PRKG1: variants seen among roughly 807,000 people sequenced by gnomAD.
PRKG1 encodes protein kinase cGMP-dependent 1.
A neutral mutation model predicts 88.1 loss-of-function variants in PRKG1; 35 were observed. That is an observed-to-expected ratio of 0.40 (90% CI 0.30 to 0.53). PRKG1 has a LOEUF of 0.53. Among genes scored for constraint, PRKG1 ranks in the 20% least tolerant of loss-of-function variants. The pLI is 0.59. For synonymous variants in PRKG1, 303 were observed against 292.5 expected, an observed-to-expected ratio of 1.04 and a Z score of -0.37; for missense variants, 540 against 839.8, an observed-to-expected ratio of 0.64 and a Z score of 4.41.
At chr10:51,466,957 T>A (rs1839922145) in intron 2 of PRKG1, among the ~76,000 whole-genome samples, 1 of 152,120 alleles carries the variant, frequency 6.6e-6, no homozygotes, top group Non-Finnish European at 1.5e-5. Context: ...TTGATTGTGT[T>A]AGGCCATGAA....
chr10:51,783,862 T>G (rs990853911), intron 3 of PRKG1, among the ~76,000 whole-genome samples: 1 of 152,136 alleles, frequency 6.6e-6, no homozygotes, highest in Non-Finnish European at 1.5e-5. Context: ...AGTTTATAAA[T>G]GTATAGGAAA....
chr10:51,830,781 C>T (rs1314572460), intron 4 of PRKG1, among the ~76,000 whole-genome samples: 5 of 151,834 alleles, frequency 3.3e-5, no homozygotes, highest in East Asian at 3.9e-4. Context: ...AGGCTGGTCT[C>T]GAACTGCTGA....
At chr10:52,006,597 A>T (rs1159651843) in intron 5 of PRKG1, among the ~76,000 whole-genome samples, 3 of 152,186 alleles carry the variant, frequency 2.0e-5, no homozygotes, top group Non-Finnish European at 4.4e-5. Context: ...AATGAAAAAT[A>T]ATGAACAAAT....
chr10:51,753,573 A>T (rs1837782330), intron 3 of PRKG1, among the ~76,000 whole-genome samples: 1 of 152,168 alleles, frequency 6.6e-6, no homozygotes, highest in African/African-American at 2.4e-5. Context: ...ATTGATAGGC[A>T]TGTGGTCAAA....
chr10:51,759,797 T>G (rs1470281956), intron 3 of PRKG1, among the ~76,000 whole-genome samples: 1 of 152,144 alleles, frequency 6.6e-6, no homozygotes, highest in African/African-American at 2.4e-5. Context: ...TGTGTTTGTG[T>G]GTGTGTATAA....
chr10:51,085,687 A>G (rs1221834089), intron 1 of PRKG1, among the ~76,000 whole-genome samples: 1 of 151,398 alleles, frequency 6.6e-6, no homozygotes, highest in African/African-American at 2.4e-5. Flanking sequence ...CTTTTTTTTC[A>G]GTTCTGAATG....
intron 3 of PRKG1, among the ~76,000 whole-genome samples, chr10:51,482,496 T>C (rs1840390981): frequency 1.2e-5 from 1 of 82,416 alleles, no homozygotes; most frequent in South Asian, 4.5e-4. Context: ...CAGACTGCCA[T>C]TGGCCTGGCT....
intron 2 of PRKG1, among the ~76,000 whole-genome samples, chr10:51,275,412 G>T (rs1840087940): frequency 6.6e-6 from 1 of 152,100 alleles, no homozygotes; most frequent in South Asian, 2.1e-4. Context: ...GTGAAATTGG[G>T]AAAATCCTAA....
intron 5 of PRKG1, among the ~76,000 whole-genome samples, chr10:51,931,850 A>G (rs1842702065): frequency 6.6e-6 from 1 of 152,206 alleles, no homozygotes; most frequent in South Asian, 2.1e-4. Context: ...TTTCTTATTC[A>G]AGTATTTGTG....
chr10:51,468,060 T>G (rs560758560), intron 3 of PRKG1: 9 of 456,990 alleles, frequency 2.0e-5, no homozygotes, highest in South Asian at 1.8e-4. Flanking sequence ...AAATTATCCT[T>G]TAATCAATAA....
chr10:51,940,505 T>C (rs182669394), intron 5 of PRKG1, among the ~76,000 whole-genome samples: 10 of 152,010 alleles, frequency 6.6e-5, no homozygotes, highest in Admixed American at 4.6e-4. Flanking sequence ...CTGGTACAAG[T>C]TTGGATACCT....
chr10:52,172,725 G>A (rs1377972738), intron 9 of PRKG1, among the ~76,000 whole-genome samples: 2 of 152,180 alleles, frequency 1.3e-5, no homozygotes, highest in Non-Finnish European at 2.9e-5. Flanking sequence ...GTAAGGTTGA[G>A]CAACTCTAGA....
chr10:51,822,489 A>G (rs1839775247), intron 4 of PRKG1, among the ~76,000 whole-genome samples: 2 of 152,180 alleles, frequency 1.3e-5, no homozygotes, highest in African/African-American at 4.8e-5. Flanking sequence ...AAACGTAGAT[A>G]GAATTAGCAA....
chr10:51,570,579 G>A (rs1014326940), intron 3 of PRKG1, among the ~76,000 whole-genome samples: 2 of 151,582 alleles, frequency 1.3e-5, no homozygotes, highest in African/African-American at 4.8e-5. Context: ...GTTTTCAAAG[G>A]TTAACTTTAT....
At chr10:51,979,403 T>C (rs1267532429) in intron 5 of PRKG1, among the ~76,000 whole-genome samples, 2 of 132,400 alleles carry the variant, frequency 1.5e-5, no homozygotes, top group Admixed American at 1.7e-4. Flanking sequence ...ATCATGGATA[T>C]TGGTCTGTTT....
At chr10:51,428,805 C>T (rs1055235602) in intron 2 of PRKG1, among the ~76,000 whole-genome samples, 2 of 152,126 alleles carry the variant, frequency 1.3e-5, no homozygotes, top group African/African-American at 4.8e-5. Flanking sequence ...GGGTGACAAA[C>T]CAACAGACTA....
chr10:51,644,901 C>T (rs1589156555), intron 3 of PRKG1, among the ~76,000 whole-genome samples: 1 of 152,182 alleles, frequency 6.6e-6, no homozygotes, highest in South Asian at 2.1e-4. Flanking sequence ...GATTCTCCCA[C>T]CTCAGCCTCC....
chr10:51,241,445 A>G (rs1839150488), intron 2 of PRKG1, among the ~76,000 whole-genome samples: 1 of 152,198 alleles, frequency 6.6e-6, no homozygotes, highest in South Asian at 2.1e-4. Flanking sequence ...ACAATTTAAG[A>G]CGAGGAAGCT....
intron 3 of PRKG1, chr10:51,696,746 C>T (rs549306246): frequency 1.4e-4 from 21 of 151,692 alleles, no homozygotes; most frequent in African/African-American, 4.4e-4. Context: ...TGTATACAAA[C>T]GTCAGATACC....
Sources: gnomAD v4.1 joint callset for allele counts (sites outside exome capture counted in the v4.1 genomes callset) on GRCh38, gnomAD v4.1.1 for gene constraint, MANE v1.5 for transcripts, NCBI Gene and HGNC (gene_info 2026-07-23, HGNC 2026-07-21) for gene names.